Variants in CSMD1 observed in about 807,000 individuals in gnomAD.
CSMD1 encodes CUB and sushi domain-containing protein 1.
A neutral mutation model predicts 417.5 loss-of-function variants in CSMD1; 213 were observed. The observed-to-expected ratio is 0.51, with a 90% CI of 0.46 to 0.57. CSMD1 has a LOEUF of 0.57. Among genes scored for constraint, CSMD1 ranks in the 20% least tolerant of loss-of-function variants. CSMD1 has a pLI of 0.00. For synonymous variants in CSMD1, 2,862 were observed against 1,736.8 expected (o/e 1.65, Z -16.11); for missense variants, 6,923 against 4,529.7 (o/e 1.53, Z -15.17).
intron 3 of CSMD1, among the ~76,000 whole-genome samples, chr8:4,087,693 G>T (rs1406053742): frequency 2.0e-5 from 3 of 151,936 alleles, no homozygotes; most frequent in Non-Finnish European, 4.4e-5. Flanking sequence ...TCGTGTCTCT[G>T]CCTGGCATCC....
At chr8:4,087,902 A>G (rs1800504422) in intron 3 of CSMD1, among the ~76,000 whole-genome samples, 1 of 152,170 alleles carries the variant, frequency 6.6e-6, no homozygotes, top group Admixed American at 6.5e-5. Context: ...ATCTTTAGAA[A>G]AAAGGATGCC....
At chr8:3,822,012 T>A (rs1229940449) in intron 5 of CSMD1, among the ~76,000 whole-genome samples, 2 of 152,318 alleles carry the variant, frequency 1.3e-5, no homozygotes, top group East Asian at 3.9e-4. Flanking sequence ...AACTTCTGCA[T>A]CACAGTTCCT....
intron 2 of CSMD1, among the ~76,000 whole-genome samples, chr8:4,474,816 A>T (rs184585429): frequency 1.0e-3 from 155 of 152,144 alleles, no homozygotes; most frequent in Non-Finnish European, 1.3e-3. Flanking sequence ...GAATTTTGTG[A>T]CCCCTTCCAC....
At chr8:4,353,007 T>C (rs1584944562) in intron 3 of CSMD1, among the ~76,000 whole-genome samples, 1 of 152,222 alleles carries the variant, frequency 6.6e-6, no homozygotes, top group Admixed American at 6.5e-5. Context: ...GACTAATTAT[T>C]TCCTCTGGAT....
At chr8:3,242,507 G>T (rs911393423) in intron 26 of CSMD1, among the ~76,000 whole-genome samples, 5 of 152,094 alleles carry the variant, frequency 3.3e-5, no homozygotes, top group Admixed American at 6.6e-5. Flanking sequence ...GAATTATTTA[G>T]ATCTTGCAGG....
At chr8:3,364,999 G>C (rs193176445) in intron 20 of CSMD1, among the ~76,000 whole-genome samples, 13 of 152,328 alleles carry the variant, frequency 8.5e-5, no homozygotes, top group African/African-American at 3.1e-4. Flanking sequence ...AACTGTAACA[G>C]ACTTGCGTCA....
intron 49 of CSMD1, among the ~76,000 whole-genome samples, chr8:3,058,861 G>T (rs1812405342): frequency 6.6e-6 from 1 of 151,986 alleles, no homozygotes; most frequent in Non-Finnish European, 1.5e-5. Flanking sequence ...CCACACAAAT[G>T]CCTCAAGTAC....
At chr8:4,027,457 T>A (rs2554574) in intron 4 of CSMD1, among the ~76,000 whole-genome samples, 3 of 151,822 alleles carry the variant, frequency 2.0e-5, no homozygotes, top group African/African-American at 7.3e-5. Context: ...ATGCTGTTCT[T>A]GTGACAGTGG....
chr8:4,229,773 C>G (rs10094300), intron 3 of CSMD1, among the ~76,000 whole-genome samples: 7 of 152,048 alleles, frequency 4.6e-5, no homozygotes, highest in South Asian at 2.1e-4. Context: ...ATGCGACCCA[C>G]TAAGTGTTTC....
At chr8:4,670,147 T>C (rs1251764006) in intron 1 of CSMD1, among the ~76,000 whole-genome samples, 1 of 152,188 alleles carries the variant, frequency 6.6e-6, no homozygotes, top group African/African-American at 2.4e-5. Context: ...ATATAGTTTT[T>C]CATCTCCTAC....
chr8:3,710,970 G>C (rs977336883), intron 6 of CSMD1, among the ~76,000 whole-genome samples: 5 of 152,162 alleles, frequency 3.3e-5, no homozygotes, highest in African/African-American at 1.2e-4. Context: ...AATGCCGCCA[G>C]CTGTGCTTCT....
At chr8:4,323,568 G>C (rs915043802) in intron 3 of CSMD1, among the ~76,000 whole-genome samples, 3 of 152,110 alleles carry the variant, frequency 2.0e-5, no homozygotes, top group Non-Finnish European at 4.4e-5. Flanking sequence ...TCATATATCT[G>C]CTTTCCAAGG....
Position 4,961,458 on chromosome 8 carries a change from A to C in CSMD1, c.85+32874T>G, listed in dbSNP as rs372092584. Among the ~76,000 whole-genome samples, 75 of 152,238 alleles carry C rather than the reference A, an allele frequency of 4.9e-4. No homozygotes were observed. The East Asian group carries it at 0.012, about 25-fold the overall frequency. ...ATGTCCTCTTCTAGTTGATTTCCTCAATACAGTGAAACATATTCTCCAATG... is the reference window on the plus strand; with the variant it reads ...ATGTCCTCTTCTAGTTGATTTCCTCCATACAGTGAAACATATTCTCCAATG... On this transcript the variant is annotated intron_variant, in intron 1 of 69. Coordinates refer to ENST00000635120, the MANE Select transcript of CSMD1 (RefSeq NM_033225.6).
At chr8:3,544,248 C>T (rs866729773) in intron 10 of CSMD1, among the ~76,000 whole-genome samples, 2 of 152,142 alleles carry the variant, frequency 1.3e-5, no homozygotes, top group Non-Finnish European at 2.9e-5. Context: ...AGTGCCCCGA[C>T]ATCCTGATAC....
Position 3,468,780 on chromosome 8 carries a change from T to C in CSMD1, c.1493A>G (p.Asn498Ser), listed in dbSNP as rs763184300. 15 of 1,605,650 alleles carry C rather than the reference T, an allele frequency of 9.3e-6. No individual in the cohort carries two copies. The highest frequency in any genetic ancestry group is 1.3e-5 in the Non-Finnish European group (15 of 1,176,188). Residue 498 changes from asparagine (N) to serine (S), a missense_variant, in exon 12 of 70, where the codon AAC becomes AGC. Coordinates refer to ENST00000635120, the MANE Select transcript of CSMD1 (RefSeq NM_033225.6). ...CGACTGCAGATGTAGCCACATCTGG[T>C]TGCTCATGCTCACAATGAGGTCAGG... ...SVPDLIVSMS[N>S]QMWLHLQSDD... is the part of the protein sequence containing the mutation.
At chr8:2,969,554 T>C (rs1418734229) in intron 57 of CSMD1, among the ~76,000 whole-genome samples, 1 of 152,202 alleles carries the variant, frequency 6.6e-6, no homozygotes, top group Non-Finnish European at 1.5e-5. Context: ...TATAATTTAT[T>C]CAATTTACCA....
At chr8:3,681,593 T>C (rs1421876431) in intron 7 of CSMD1, among the ~76,000 whole-genome samples, 1 of 152,092 alleles carries the variant, frequency 6.6e-6, no homozygotes, top group Non-Finnish European at 1.5e-5. Flanking sequence ...AGAGTAAATA[T>C]CGTCAAAATG....
chr8:4,564,271 T>G (rs1280681200), intron 2 of CSMD1, among the ~76,000 whole-genome samples: 1 of 152,222 alleles, frequency 6.6e-6, no homozygotes, highest in Non-Finnish European at 1.5e-5. Context: ...TTTATAATTT[T>G]TAAATCTGCT....
At chr8:4,662,639 T>C (rs1375231158) in intron 1 of CSMD1, among the ~76,000 whole-genome samples, 1 of 152,194 alleles carries the variant, frequency 6.6e-6, no homozygotes, top group Admixed American at 6.5e-5. Context: ...TTCAGAAATA[T>C]AAAACCCCTT....
Sources: allele counts gnomAD v4.1 joint callset (sites outside exome capture counted in the v4.1 genomes callset), GRCh38; gene constraint gnomAD v4.1.1; transcripts MANE v1.5; gene names NCBI Gene and HGNC (gene_info 2026-07-23, HGNC 2026-07-21).